Variants in ARHGAP31 observed in about 807,000 individuals in gnomAD.
ARHGAP31 encodes Rho GTPase activating protein 31.
ARHGAP31 carries 34 observed loss-of-function variants against 113.9 expected under a neutral mutation model. The observed-to-expected ratio is 0.30, with a 90% CI of 0.23 to 0.40. The LOEUF is 0.40. ARHGAP31 is among the 10% of genes least tolerant of loss of function. The pLI, the probability that ARHGAP31 is intolerant of heterozygous loss-of-function variation, is 1.00. For missense variants in ARHGAP31, 1,548 were observed against 1,767.1 expected, an observed-to-expected ratio of 0.88 and a Z score of 2.22; for synonymous variants, 650 against 684.8, an observed-to-expected ratio of 0.95 and a Z score of 0.79.
chr3:119,329,606 C>T (rs1346520611), intron 1 of ARHGAP31, among the ~76,000 whole-genome samples: 1 of 152,198 alleles, frequency 6.6e-6, no homozygotes, highest in Non-Finnish European at 1.5e-5. Context: ...CTATCCATAA[C>T]CTCCTTCCAC....
At chr3:119,351,835 A>G (rs1192374158) in intron 1 of ARHGAP31, among the ~76,000 whole-genome samples, 1 of 152,206 alleles carries the variant, frequency 6.6e-6, no homozygotes, top group Non-Finnish European at 1.5e-5. Context: ...CACCAGTGGT[A>G]TCCCAAGGAG....
chr3:119,414,405 G>A lies in ARHGAP31; in HGVS notation c.2476G>A (p.Asp826Asn), dbSNP rs560144166. 1 of 1,614,202 alleles carries A rather than the reference G, an allele frequency of 6.2e-7. No individual in the cohort carries two copies. The highest frequency in any genetic ancestry group is 1.1e-5 in the South Asian group (1 of 91,080). The change falls in exon 12 of 12, where the codon GAC becomes AAC. Residue 826 changes from aspartate (D) to asparagine (N), a missense_variant. Coordinates refer to ENST00000264245, the MANE Select transcript of ARHGAP31 (RefSeq NM_020754.4). Reference protein sequence around the residue: ...DLYIDQLKSQDSPEISSLCQG... With the variant: ...DLYIDQLKSQNSPEISSLCQG... The stretch of plus-strand genomic sequence containing the variant: ...CTACATAGACCAGCTGAAGTCCCAA[G>A]ACAGCCCTGAGATCTCTAGCCTCTG...
chr3:119,340,673 T>C (rs997802340), intron 1 of ARHGAP31, among the ~76,000 whole-genome samples: 1 of 152,148 alleles, frequency 6.6e-6, no homozygotes, highest in Admixed American at 6.5e-5. Flanking sequence ...ACACCATGGA[T>C]ATGAGGTACC....
intron 1 of ARHGAP31, among the ~76,000 whole-genome samples, chr3:119,317,917 A>G (rs1227942145): frequency 6.6e-6 from 1 of 152,216 alleles, no homozygotes; most frequent in Non-Finnish European, 1.5e-5. Flanking sequence ...TGTGAGGACC[A>G]GTTGAAGTAG....
chr3:119,327,141 A>G (rs2079852244), intron 1 of ARHGAP31, among the ~76,000 whole-genome samples: 1 of 152,000 alleles, frequency 6.6e-6, no homozygotes, highest in Non-Finnish European at 1.5e-5. Flanking sequence ...CCTTGTCTCA[A>G]AAACAGAAGC....
At chr3:119,310,678 C>G (rs184251191) in intron 1 of ARHGAP31, among the ~76,000 whole-genome samples, 6 of 152,354 alleles carry the variant, frequency 3.9e-5, no homozygotes, top group Non-Finnish European at 5.9e-5. Flanking sequence ...CATTCCCCAC[C>G]ACCATGGAAA....
At position 119,416,068 on chromosome 3, in the gene ARHGAP31, C is replaced by T. The variant is rs9852894; in HGVS notation, c.4139C>T (p.Thr1380Ile). 3.7e-6 allele frequency: 6 copies of T among 1,614,092 alleles called. No individual in the cohort carries two copies. In the African/African-American group the frequency reaches 6.7e-5, roughly 18 times the overall value. The change falls in exon 12 of 12, where the codon ACC (threonine) becomes ATC (isoleucine). Residue 1380 changes from threonine (T) to isoleucine (I), a missense_variant. Coordinates refer to ENST00000264245, the MANE Select transcript of ARHGAP31 (RefSeq NM_020754.4). ...CTGCTGTCCCCTATCAGAAGTCCCA[C>T]CCAGACAGTTTCCCCTGGCCTTCTT... ...KVLLSPIRSP[T>I]QTVSPGLLCG...
At chr3:119,325,809 T>A (rs112468606) in intron 1 of ARHGAP31, among the ~76,000 whole-genome samples, 2,292 of 152,344 alleles carry the variant, frequency 0.015, 54 homozygotes, top group African/African-American at 0.051. Flanking sequence ...ACCTGGGAAG[T>A]TTTTAAAAAT....
At chr3:119,363,499 C>A (rs1300579254) in intron 1 of ARHGAP31, among the ~76,000 whole-genome samples, 1 of 152,148 alleles carries the variant, frequency 6.6e-6, no homozygotes, top group Non-Finnish European at 1.5e-5. Context: ...CCCTGAGGGG[C>A]AAACCATGGA....
intron 1 of ARHGAP31, among the ~76,000 whole-genome samples, chr3:119,297,413 G>A (rs2079542598): frequency 6.6e-6 from 1 of 152,250 alleles, no homozygotes; most frequent in Admixed American, 6.5e-5. Context: ...ACAAGTCAGT[G>A]TGGTAACTGG....
At chr3:119,325,154 T>C (rs1266884255) in intron 1 of ARHGAP31, among the ~76,000 whole-genome samples, 1 of 152,344 alleles carries the variant, frequency 6.6e-6, no homozygotes, top group East Asian at 1.9e-4. Flanking sequence ...TGTTGAATCA[T>C]ACCTACCTAT....
chr3:119,341,942 C>A (rs1300226968), intron 1 of ARHGAP31: 2 of 152,090 alleles, frequency 1.3e-5, no homozygotes, highest in South Asian at 4.1e-4. Flanking sequence ...AGTGAGCACG[C>A]CTCTCACTTT....
chr3:119,304,904 TAA>T lies in ARHGAP31; in HGVS notation c.100+9903_100+9904del, dbSNP rs2079617805. The stretch of plus-strand genomic sequence containing the variant: ...AGTGAGACTCTGTCTCAAAATAAAA[TAA>T]AATAAAATAAAATAAAATAAAATAA... On this transcript the variant is annotated intron_variant, in intron 1 of 11. Transcript: ENST00000264245. Among the ~76,000 whole-genome samples, 4 of 62,288 alleles carry T rather than the reference TAA, an allele frequency of 6.4e-5. No individual in the cohort carries two copies. The South Asian group carries it at 2.0e-3, about 31-fold the overall frequency. The allele number at this position is 62,288 out of a possible 152,430, so 40.9% of individuals were successfully genotyped here. A position where few individuals can be genotyped will look rare whatever the true frequency, so the allele number is the denominator to read the frequency against.
At chr3:119,387,876 T>C (rs913020516) in intron 6 of ARHGAP31, among the ~76,000 whole-genome samples, 1 of 152,158 alleles carries the variant, frequency 6.6e-6, no homozygotes, top group Non-Finnish European at 1.5e-5. Flanking sequence ...GAAGAAAACA[T>C]AGCAGAGTAA....
intron 8 of ARHGAP31, among the ~76,000 whole-genome samples, chr3:119,396,352 A>C (rs1047558512): frequency 6.6e-6 from 1 of 152,228 alleles, no homozygotes; most frequent in Non-Finnish European, 1.5e-5. Flanking sequence ...GTCAGTGTTG[A>C]AAGTCACTGG....
At chr3:119,377,030 T>A (rs2080354741) in intron 3 of ARHGAP31, among the ~76,000 whole-genome samples, 1 of 152,230 alleles carries the variant, frequency 6.6e-6, no homozygotes, top group Non-Finnish European at 1.5e-5. Context: ...TGGGTAATGA[T>A]CCCAGGATAG....
chr3:119,319,603 CA>C (rs2079764767), intron 1 of ARHGAP31, among the ~76,000 whole-genome samples: 1 of 152,170 alleles, frequency 6.6e-6, no homozygotes, highest in African/African-American at 2.4e-5. Context: ...ATTTAATCAA[CA>C]AGAATCTGTA....
chr3:119,374,990 C>T lies in ARHGAP31; in HGVS notation c.349-5914C>T, dbSNP rs140493683. Among the ~76,000 whole-genome samples, 12 of 152,092 alleles carry T rather than the reference C, an allele frequency of 7.9e-5. No homozygotes were observed. The South Asian group carries it at 2.1e-3, about 26-fold the overall frequency. On this transcript the variant is annotated intron_variant, in intron 3 of 11. Coordinates refer to ENST00000264245, the MANE Select transcript of ARHGAP31 (RefSeq NM_020754.4). Reference sequence around the variant, plus strand: ...AGTGTTCATGTTTGGTGCTTGGAGGCCCTGATCAAACTGCTTTTTTTTTTG... The same window carrying T: ...AGTGTTCATGTTTGGTGCTTGGAGGTCCTGATCAAACTGCTTTTTTTTTTG...
At chr3:119,356,420 C>T (rs751386915) in intron 1 of ARHGAP31, among the ~76,000 whole-genome samples, 1 of 152,020 alleles carries the variant, frequency 6.6e-6, no homozygotes, top group East Asian at 1.9e-4. Flanking sequence ...CACCTGAGGT[C>T]GGGAGTTCAA....
Sources: gnomAD v4.1 joint callset for allele counts (sites outside exome capture counted in the v4.1 genomes callset) on GRCh38, gnomAD v4.1.1 for gene constraint, MANE v1.5 for transcripts, NCBI Gene and HGNC (gene_info 2026-07-23, HGNC 2026-07-21) for gene names.